The following ITSN1 variants were observed in gnomAD, a reference collection of about 807,000 sequenced individuals.
ITSN1 encodes the protein intersectin-1.
ITSN1 carries 58 observed loss-of-function variants against 239.8 expected under a neutral mutation model. The observed-to-expected ratio is 0.24, with a 90% confidence interval of 0.20 to 0.30. The LOEUF is 0.30. ITSN1 is among the 10% of genes least tolerant of loss of function. The pLI is 1.00. For missense variants in ITSN1, 1,558 were observed against 2,103.3 expected (o/e 0.74, Z 5.07); for synonymous variants, 780 against 770.8 (o/e 1.01, Z -0.20).
chr21:33,767,448 T>G (rs2068804823), intron 10 of ITSN1, among the ~76,000 whole-genome samples: 1 of 152,212 alleles, frequency 6.6e-6, no homozygotes, highest in African/African-American at 2.4e-5. Context: ...TTACCACTTT[T>G]TGATTATTAA....
chr21:33,678,540 G>A (rs1437158787), intron 1 of ITSN1, among the ~76,000 whole-genome samples: 1 of 152,106 alleles, frequency 6.6e-6, no homozygotes, highest in Admixed American at 6.6e-5. Context: ...CCACCCCACG[G>A]CCTGCATTCA....
intron 21 of ITSN1, among the ~76,000 whole-genome samples, chr21:33,811,949 A>G (rs1490815176): frequency 1.3e-5 from 2 of 152,236 alleles, no homozygotes; most frequent in African/African-American, 2.4e-5. Context: ...CATCTTTCAG[A>G]AGAAACAAAT....
intron 1 of ITSN1, among the ~76,000 whole-genome samples, chr21:33,709,502 G>A (rs11088260): frequency 0.32 from 48,743 of 151,956 alleles, 8,196 homozygotes; most frequent in East Asian, 0.57. Context: ...GGCTGGTCTC[G>A]AACTCCTGTC....
intron 1 of ITSN1, among the ~76,000 whole-genome samples, chr21:33,678,566 A>G (rs2090737416): frequency 6.6e-6 from 1 of 152,210 alleles, no homozygotes; most frequent in South Asian, 2.1e-4. Flanking sequence ...TAATCACAGC[A>G]GCTCAGCTTT....
intron 28 of ITSN1, among the ~76,000 whole-genome samples, chr21:33,834,836 G>A (rs1219510137): frequency 1.3e-5 from 2 of 152,158 alleles, no homozygotes; most frequent in East Asian, 1.9e-4. Context: ...GGGTTGGGGG[G>A]CTATAATGTG....
chr21:33,647,518 C>G (rs973940452), intron 1 of ITSN1, among the ~76,000 whole-genome samples: 2 of 151,406 alleles, frequency 1.3e-5, no homozygotes, highest in Non-Finnish European at 2.9e-5. Context: ...TTTTTTCAGA[C>G]GGAGTCTCAG....
intron 16 of ITSN1, among the ~76,000 whole-genome samples, chr21:33,786,044 G>T (rs2070651108): frequency 6.6e-6 from 1 of 152,136 alleles, no homozygotes; most frequent in African/African-American, 2.4e-5. Flanking sequence ...CTGAAATATT[G>T]AAGCTCTTAT....
chr21:33,785,713 ATCT>A (rs1414152329), intron 16 of ITSN1, among the ~76,000 whole-genome samples: 1 of 152,178 alleles, frequency 6.6e-6, no homozygotes, highest in African/African-American at 2.4e-5. Flanking sequence ...TATAATCGTG[ATCT>A]TCTGTTAAAT....
Position 33,799,846 on chromosome 21 carries a change from A to G in ITSN1, c.2221A>G (p.Lys741Glu). The part of the protein sequence containing the change: ...PLTISAQENV[K>E]VVYYRALYPF... ...TACCATTTCTGCACAGGAAAATGTA[A>G]AAGTGGTGTATTACCGGGCACTGTA... Residue 741 changes from lysine (K) to glutamate (E), a missense_variant, in exon 19 of 40, where the codon AAA becomes GAA. By Grantham distance (56) the Lys-to-Glu change is moderately conservative. This residue lies in a region of ITSN1 where 982 missense variants were observed against 1,209.9 expected (regional missense o/e 0.81). Coordinates refer to ENST00000381318, the MANE Select transcript of ITSN1 (RefSeq NM_003024.3). The G allele has an allele frequency of 6.2e-7, 1 of 1,614,098 alleles. No homozygotes were observed. Among genetic ancestry groups the G allele is most frequent in the Non-Finnish European group, 8.5e-7 (1 of 1,179,994 alleles).
chr21:33,665,895 A>G lies in ITSN1; in HGVS notation c.-33+23182A>G, dbSNP rs145742253. ...TATAACATAGATGTACCTTGAAAAC[A>G]TGCTAAGTGAAAGAAGGCAATATAC... is the stretch of plus-strand genomic sequence containing the variant. On this transcript the variant is annotated intron_variant, in intron 1 of 39. Transcript: ENST00000381318. 1.2e-4 allele frequency among the ~76,000 whole-genome samples: 19 copies of G among 152,160 alleles called. 1 individual carries two copies. In the East Asian group the frequency reaches 1.7e-3, roughly 14 times the overall value.
chr21:33,853,971 G>T (rs893281016), intron 29 of ITSN1, among the ~76,000 whole-genome samples: 2 of 152,206 alleles, frequency 1.3e-5, no homozygotes, highest in South Asian at 2.1e-4. Context: ...ATGCCCTGGA[G>T]GGCAGGAGTC....
intron 1 of ITSN1, among the ~76,000 whole-genome samples, chr21:33,678,154 C>G (rs1178884243): frequency 6.6e-6 from 1 of 152,162 alleles, no homozygotes; most frequent in Non-Finnish European, 1.5e-5. Context: ...ATGTCTCTTT[C>G]TATCTCTTGA....
At chr21:33,841,913 C>T (rs563923676) in intron 29 of ITSN1, among the ~76,000 whole-genome samples, 191 of 150,542 alleles carry the variant, frequency 1.3e-3, no homozygotes, top group Non-Finnish European at 2.1e-3. Flanking sequence ...GAATGTTCCG[C>T]TTCAGCCAGA....
intron 16 of ITSN1, among the ~76,000 whole-genome samples, chr21:33,785,784 G>A (rs2070617581): frequency 6.6e-6 from 1 of 152,040 alleles, no homozygotes; most frequent in African/African-American, 2.4e-5. Flanking sequence ...GGAAATTGAA[G>A]GCTCATTTTT....
intron 1 of ITSN1, among the ~76,000 whole-genome samples, chr21:33,715,008 T>C (rs1017479935): frequency 5.1e-4 from 78 of 152,186 alleles, no homozygotes; most frequent in African/African-American, 1.9e-3. Context: ...AGAAAGCTTC[T>C]GAAAAAAATT....
intron 20 of ITSN1, among the ~76,000 whole-genome samples, chr21:33,806,593 A>T (rs1309639662): frequency 6.6e-6 from 1 of 152,254 alleles, no homozygotes; most frequent in African/African-American, 2.4e-5. Flanking sequence ...AGCGAGCTAC[A>T]ATATGCAGTG....
Position 33,883,894 on chromosome 21 carries a change from G to GTTT in ITSN1, c.4676+244_4676+246dup, listed in dbSNP as rs34448559. ...ATGGATTCAAACTAATTTTGCTTGAGTTTTTTTTTTTTTTTTTTTTTTTAA... is the reference window on the plus strand; with the variant it reads ...ATGGATTCAAACTAATTTTGCTTGAGTTTTTTTTTTTTTTTTTTTTTTTTTTAA... On this transcript the variant is annotated intron_variant, in intron 36 of 39. Coordinates refer to ENST00000381318, the MANE Select transcript of ITSN1 (RefSeq NM_003024.3). 0.18 allele frequency among the ~76,000 whole-genome samples: 20,210 copies of GTTT among 109,500 alleles called. 2,393 individuals are homozygous for GTTT. Among genetic ancestry groups the GTTT allele is most frequent in the East Asian group, 0.35 (1,267 of 3,580 alleles). The allele number at this position is 109,500 out of a possible 152,430, so 71.8% of individuals were successfully genotyped here.
At chr21:33,775,209 C>T in intron 14 of ITSN1, 101 bp downstream of exon 14, 1 of 1,292,746 alleles carries the variant, frequency 7.7e-7, no homozygotes, top group Non-Finnish European at 1.1e-6. Context: ...AAGCAACTGT[C>T]TTGTACTAGG....
At chr21:33,776,081 C>T (rs1394410614) in intron 14 of ITSN1, among the ~76,000 whole-genome samples, 1 of 152,106 alleles carries the variant, frequency 6.6e-6, no homozygotes, top group African/African-American at 2.4e-5. Flanking sequence ...GTAGTGTTTC[C>T]TTATGTGTCC....
Sources: allele counts gnomAD v4.1 joint callset (sites outside exome capture counted in the v4.1 genomes callset), GRCh38; gene constraint gnomAD v4.1.1; regional missense constraint gnomAD v4.1.1; transcripts MANE v1.5; gene names NCBI Gene and HGNC (gene_info 2026-07-23, HGNC 2026-07-21).